IL36RN: variants seen among roughly 807,000 people sequenced by gnomAD.
IL36RN encodes the protein interleukin-36 receptor antagonist protein.
A neutral mutation model predicts 13.0 loss-of-function variants in IL36RN; 11 were observed. The ratio of observed to expected loss-of-function variants is 0.85; its 90% CI spans 0.53 to 1.40. IL36RN has a LOEUF of 1.40. Ranked by LOEUF, IL36RN falls within the 40% of genes most tolerant of loss-of-function variation. The pLI is 0.00. For synonymous variants in IL36RN, 94 were observed against 84.1 expected (o/e 1.12, Z -0.64); for missense variants, 195 against 195.3 (o/e 1.00, Z 0.01).
chr2:113,062,470 G>C lies in IL36RN; in HGVS notation c.261G>C (p.Glu87Asp), dbSNP rs201346453. 6.2e-7 allele frequency: 1 copy of C among 1,614,090 alleles called. No homozygotes were observed. Among genetic ancestry groups the C allele is most frequent in the South Asian group, 1.1e-5 (1 of 91,062 alleles). ...GCCGGCAGCCAGTGAACATCATGGAGCTCTATCTTGGTGCCAAGGAATCCA... is the reference window on the plus strand; with the variant it reads ...GCCGGCAGCCAGTGAACATCATGGACCTCTATCTTGGTGCCAAGGAATCCA... Reference protein sequence around the residue: ...TLTLEPVNIMELYLGAKESKS... With the variant: ...TLTLEPVNIMDLYLGAKESKS... The change falls in exon 5 of 5, where the codon GAG becomes GAC. Residue 87 changes from glutamate (E) to aspartate (D), a missense_variant. Transcript: ENST00000393200.
chr2:113,062,760 C>G lies in IL36RN; in HGVS notation c.*83C>G. On this transcript the variant is annotated 3_prime_UTR_variant, in exon 5 of 5. Coordinates refer to ENST00000393200, the MANE Select transcript of IL36RN (RefSeq NM_012275.3). ...AGGAGACCCATGGCGGACAATCACT[C>G]TCTCTGCTCTCAGGACCCCCACGTC... 1.6e-6 allele frequency: 2 copies of G among 1,218,102 alleles called. No homozygotes were observed. Among genetic ancestry groups the G allele is most frequent in the Non-Finnish European group, 2.3e-6 (2 of 852,640 alleles). 75.5% of individuals were successfully genotyped at this position (1,218,102 alleles called of 1,614,324 possible).
At chr2:113,060,586 C>G (rs1685621370) in intron 2 of IL36RN, among the ~76,000 whole-genome samples, 1 of 152,198 alleles carries the variant, frequency 6.6e-6, no homozygotes. Flanking sequence ...CGTGCAGCTT[C>G]TCTTCCAGCA....
Position 113,062,441 on chromosome 2 carries a change from C to T in IL36RN, c.244-12C>T, listed in dbSNP as rs1222587239. 6.2e-7 allele frequency: 1 copy of T among 1,614,018 alleles called. No homozygotes were observed. The highest frequency in any genetic ancestry group is 8.5e-7 in the Non-Finnish European group (1 of 1,179,976). ...TTCTGCCCTCACCTGACCTCCCCTCCTCTGCCGGCAGCCAGTGAACATCAT... is the reference window on the plus strand; with the variant it reads ...TTCTGCCCTCACCTGACCTCCCCTCTTCTGCCGGCAGCCAGTGAACATCAT... On this transcript the variant is annotated splice_polypyrimidine_tract_variant and intron_variant, in intron 4 of 4. Transcript: ENST00000393200.
At chr2:113,060,718 T>G in intron 2 of IL36RN, 134 bp from the exon 3 acceptor site, 1 of 722,646 alleles carries the variant, frequency 1.4e-6, no homozygotes, top group African/African-American at 1.7e-5. Flanking sequence ...GAGACAAGGC[T>G]GTGCTGTTAC....
chr2:113,058,661 C>T (rs1249384720), upstream of IL36RN: 1 of 152,316 alleles, frequency 6.6e-6, no homozygotes, highest in Non-Finnish European at 1.5e-5. Context: ...TCTAACATCT[C>T]CTGTAGGCCT....
chr2:113,060,436 A>G (rs1685618249), intron 2 of IL36RN, among the ~76,000 whole-genome samples: 1 of 152,238 alleles, frequency 6.6e-6, no homozygotes, highest in African/African-American at 2.4e-5. Context: ...TTAACGTGGA[A>G]GAGGCCTGGA....
In IL36RN at chr2:113,062,440, C is replaced by T. The variant is rs762586699; in HGVS notation, c.244-13C>T. ...CTTCTGCCCTCACCTGACCTCCCCTCCTCTGCCGGCAGCCAGTGAACATCA... is the reference window on the plus strand; with the variant it reads ...CTTCTGCCCTCACCTGACCTCCCCTTCTCTGCCGGCAGCCAGTGAACATCA... On this transcript the variant is annotated splice_polypyrimidine_tract_variant and intron_variant, in intron 4 of 4. Transcript: ENST00000393200. 8.1e-6 allele frequency: 13 copies of T among 1,613,864 alleles called. 1 individual carries two copies. Among genetic ancestry groups the T allele is most frequent in the Middle Eastern group, 1.7e-4 (1 of 6,058 alleles).
rs1685628354 is a variant in IL36RN, at chr2:113,060,911, G to A, written c.89G>A (p.Gly30Glu). 1 of 1,613,982 alleles carries A rather than the reference G, an allele frequency of 6.2e-7. No homozygotes were observed. The highest frequency in any genetic ancestry group is 1.7e-5 in the Admixed American group (1 of 60,034). Residue 30 changes from glycine to glutamate, a missense_variant, in exon 3 of 5, where the codon GGG (glycine) becomes GAG (glutamate). By Grantham distance (98) the Gly-to-Glu change is moderately conservative. Coordinates refer to ENST00000393200, the MANE Select transcript of IL36RN (RefSeq NM_012275.3). Reference sequence around the variant, plus strand: ...CATAATAACCAGCTTCTAGCTGGAGGGCTGCATGCAGGGAAGGTCATTAAA... The same window carrying A: ...CATAATAACCAGCTTCTAGCTGGAGAGCTGCATGCAGGGAAGGTCATTAAA... ...YLHNNQLLAG[G>E]LHAGKVIKGE...
At chr2:113,059,283 C>A in intron 1 of IL36RN, 42 bp downstream of exon 1, 1 of 777,360 alleles carries the variant, frequency 1.3e-6, no homozygotes, top group Non-Finnish European at 2.3e-6. Flanking sequence ...TCTCTCCTGA[C>A]CCCAGACCCA....
chr2:113,061,620 G>T (rs1336630818), intron 3 of IL36RN, among the ~76,000 whole-genome samples: 1 of 152,190 alleles, frequency 6.6e-6, no homozygotes, highest in African/African-American at 2.4e-5. Context: ...ATGTGTGAGT[G>T]CAGGTATGTA....
upstream of IL36RN, chr2:113,058,697 G>C (rs1298132667): frequency 6.6e-6 from 1 of 152,292 alleles, no homozygotes; most frequent in African/African-American, 2.4e-5. Context: ...GAAAGACAGA[G>C]GAAGGAAGGA....
intron 2 of IL36RN, 23 bp from the exon 3 acceptor site, chr2:113,060,829 C>T (rs752827684): frequency 2.5e-6 from 4 of 1,583,422 alleles, no homozygotes; most frequent in Admixed American, 3.3e-5. Context: ...TAATGTAGTC[C>T]TCACCCCTTC....
chr2:113,062,448 G>A lies in IL36RN; in HGVS notation c.244-5G>A, dbSNP rs754661425. The A allele has an allele frequency of 7.8e-5, 126 of 1,613,896 alleles. No individual in the cohort carries two copies. Among genetic ancestry groups the A allele is most frequent in the Middle Eastern group, 1.7e-4 (1 of 6,044 alleles). On this transcript the variant is annotated splice_region_variant and splice_polypyrimidine_tract_variant and intron_variant, in intron 4 of 4. Coordinates refer to ENST00000393200, the MANE Select transcript of IL36RN (RefSeq NM_012275.3). ...CTCACCTGACCTCCCCTCCTCTGCC[G>A]GCAGCCAGTGAACATCATGGAGCTC...
In IL36RN at chr2:113,059,233, C is replaced by T; in HGVS notation, c.-36C>T. On this transcript the variant is annotated 5_prime_UTR_variant, in exon 1 of 5. Coordinates refer to ENST00000393200, the MANE Select transcript of IL36RN (RefSeq NM_012275.3). ...CACAGCTCCCGCCAGGAGAAAGGAA[C>T]ATTCTGAGGTATGCTCTGGGGCGCT... 1 of 638,784 alleles carries T rather than the reference C, an allele frequency of 1.6e-6. No individual in the cohort carries two copies. Among genetic ancestry groups the T allele is most frequent in the Non-Finnish European group, 2.8e-6 (1 of 352,092 alleles). 39.6% of individuals were successfully genotyped at this position (638,784 alleles called of 1,614,324 possible).
chr2:113,062,313 GCAGCCCA>G lies in IL36RN; in HGVS notation c.243+69_243+75del, dbSNP rs749290931. ...CAGATGCTGAGCCTACTGAAGCCGG[GCAGCCCA>G]CAGCCCTGGTGCTGTGGGACACCCT... is the stretch of plus-strand genomic sequence containing the variant. On this transcript the variant is annotated intron_variant, in intron 4 of 4. Coordinates refer to ENST00000393200, the MANE Select transcript of IL36RN (RefSeq NM_012275.3). 1,391 of 1,610,572 alleles carry G rather than the reference GCAGCCCA, an allele frequency of 8.6e-4. 2 individuals are homozygous for G. Among genetic ancestry groups the G allele is most frequent in the Non-Finnish European group, 1.1e-3 (1,293 of 1,177,750 alleles).
intron 2 of IL36RN, among the ~76,000 whole-genome samples, 195 bp downstream of exon 2, chr2:113,059,662 T>C (rs1685601199): frequency 6.6e-6 from 1 of 152,066 alleles, no homozygotes; most frequent in South Asian, 2.1e-4. Flanking sequence ...GCAGGCCATC[T>C]CACAAGGGGT....
At chr2:113,062,298 G>A (rs780933637) in intron 4 of IL36RN, 47 bp downstream of exon 4, 1 of 1,612,014 alleles carries the variant, frequency 6.2e-7, no homozygotes, top group Non-Finnish European at 8.5e-7. Flanking sequence ...CAGATGCTGA[G>A]CCTACTGAAG....
intron 3 of IL36RN, 81 bp downstream of exon 3, chr2:113,061,018 C>A: frequency 9.3e-7 from 1 of 1,071,908 alleles, no homozygotes; most frequent in South Asian, 1.3e-5. Context: ...TTAGAATAGT[C>A]ATACAGATTA....
chr2:113,059,423 C>G lies in IL36RN; in HGVS notation c.-16C>G, dbSNP rs1423031016. On this transcript the variant is annotated 5_prime_UTR_variant, in exon 2 of 5. Coordinates refer to ENST00000393200, the MANE Select transcript of IL36RN (RefSeq NM_012275.3). Reference sequence around the variant, plus strand: ...TTATTCCAAAATAGGGGAGTCTACACCCTGTGGAGCTCAAGATGGTCCTGA... The same window carrying G: ...TTATTCCAAAATAGGGGAGTCTACAGCCTGTGGAGCTCAAGATGGTCCTGA... The G allele has an allele frequency of 1.9e-6, 3 of 1,613,902 alleles. No homozygotes were observed. In the South Asian group the frequency reaches 3.3e-5, roughly 18 times the overall value.
Sources: gnomAD v4.1 joint callset for allele counts (sites outside exome capture counted in the v4.1 genomes callset) on GRCh38, gnomAD v4.1.1 for gene constraint, MANE v1.5 for transcripts, NCBI Gene and HGNC (gene_info 2026-07-23, HGNC 2026-07-21) for gene names.